ZNF492: variants seen among roughly 807,000 people sequenced by gnomAD.
ZNF492 encodes zinc finger protein 492.
A neutral mutation model predicts 6.4 loss-of-function variants in ZNF492; 3 were observed. The ratio of observed to expected loss-of-function variants is 0.47; its 90% CI spans 0.21 to 1.22. The LOEUF (loss-of-function observed/expected upper bound fraction) is 1.22, where lower values mean the gene tolerates loss of function less well. ZNF492 is among the 50% of genes most tolerant of loss of function. The pLI is 0.22. For synonymous variants in ZNF492, 112 were observed against 205.3 expected (o/e 0.55, Z 3.89); for missense variants, 356 against 612.5 (o/e 0.58, Z 4.42).
intron 3 of ZNF492, among the ~76,000 whole-genome samples, chr19:22,662,214 C>T (rs1366236377): frequency 3.9e-5 from 6 of 152,030 alleles, no homozygotes; most frequent in African/African-American, 4.8e-5. Context: ...ATAGTGTGCT[C>T]AGAATGATGG....
intron 1 of ZNF492, among the ~76,000 whole-genome samples, chr19:22,647,186 C>T (rs368368477): frequency 1.1e-4 from 16 of 151,296 alleles, no homozygotes; most frequent in South Asian, 2.1e-4. Flanking sequence ...CCACTGCGCC[C>T]GGCCTGGTGG....
intron 3 of ZNF492, among the ~76,000 whole-genome samples, chr19:22,655,399 T>C (rs1277172013): frequency 6.6e-6 from 1 of 152,160 alleles, no homozygotes; most frequent in Non-Finnish European, 1.5e-5. Flanking sequence ...TGAAAGATAT[T>C]TAAGCTCCTT....
intron 1 of ZNF492, among the ~76,000 whole-genome samples, chr19:22,638,592 A>G (rs1971791237): frequency 6.6e-6 from 1 of 152,110 alleles, no homozygotes; most frequent in Admixed American, 6.6e-5. Flanking sequence ...TTGTACCAGT[A>G]CCATGTTGCT....
In ZNF492 at chr19:22,647,263, T is replaced by G. The variant is rs181470221; in HGVS notation, c.-93-6044T>G. Among the ~76,000 whole-genome samples the G allele has an allele frequency of 6.3e-3, 937 of 149,554 alleles. 12 individuals carry two copies. Among genetic ancestry groups the G allele is most frequent in the African/African-American group, 0.018 (738 of 40,412 alleles). ...TTTTGTTTGTTTGTTTGTTGTTGTT[T>G]TTTTTTTTTTTAGGCAGAGTTTCAT... On this transcript the variant is annotated intron_variant, in intron 1 of 3. Transcript: ENST00000456783.
intron 1 of ZNF492, among the ~76,000 whole-genome samples, chr19:22,650,289 C>T (rs1049676519): frequency 6.6e-5 from 10 of 152,094 alleles, no homozygotes; most frequent in Non-Finnish European, 1.3e-4. Context: ...GGTGCCTGCT[C>T]CTTCCTCTGG....
rs1389276657 is a variant in ZNF492, at chr19:22,659,653, GGTT to G, written c.131-4146_131-4144del. ...GGTTCCCAGTGAGTAAATCTGAAGT[GGTT>G]TTTTTTTGTTGTTTTTTTTTTTTTT... On this transcript the variant is annotated intron_variant, in intron 3 of 3. Transcript: ENST00000456783. 1.3e-3 allele frequency among the ~76,000 whole-genome samples: 186 copies of G among 138,288 alleles called. 1 individual carries two copies. Among genetic ancestry groups the G allele is most frequent in the South Asian group, 8.5e-3 (37 of 4,374 alleles). The allele number at this position is 138,288 out of a possible 152,430, so 90.7% of individuals were successfully genotyped here.
At chr19:22,640,768 G>A (rs1359631400) in intron 1 of ZNF492, among the ~76,000 whole-genome samples, 1 of 152,040 alleles carries the variant, frequency 6.6e-6, no homozygotes, top group Non-Finnish European at 1.5e-5. Flanking sequence ...TTGGTTGGTA[G>A]GCTATTTATT....
At chr19:22,662,575 C>T (rs1972070089) in intron 3 of ZNF492, among the ~76,000 whole-genome samples, 1 of 152,006 alleles carries the variant, frequency 6.6e-6, no homozygotes, top group African/African-American at 2.4e-5. Context: ...TTCTATTTCT[C>T]CACATCCTCT....
At chr19:22,654,446 T>A (rs1238270302) in intron 3 of ZNF492, among the ~76,000 whole-genome samples, 1 of 152,164 alleles carries the variant, frequency 6.6e-6, no homozygotes, top group East Asian at 1.9e-4. Context: ...ATTGCTAATT[T>A]TTCTGCACAT....
At chr19:22,640,931 A>ACTAC (rs1477286292) in intron 1 of ZNF492, among the ~76,000 whole-genome samples, 1 of 149,098 alleles carries the variant, frequency 6.7e-6, no homozygotes, top group Admixed American at 6.8e-5. Flanking sequence ...AGACTTCAAT[A>ACTAC]TATTTTTGTG....
intron 1 of ZNF492, among the ~76,000 whole-genome samples, chr19:22,636,129 C>T (rs1240635735): frequency 5.4e-5 from 8 of 146,822 alleles, no homozygotes; most frequent in African/African-American, 1.8e-4. Context: ...GATGGAGTTT[C>T]GCTCTTGTTG....
At chr19:22,655,483 CAGAT>C (rs1431943063) in intron 3 of ZNF492, among the ~76,000 whole-genome samples, 7 of 151,274 alleles carry the variant, frequency 4.6e-5, no homozygotes, top group African/African-American at 1.5e-4. Flanking sequence ...TCTTTTTTGT[CAGAT>C]AGTTTGTTTA....
intron 1 of ZNF492, among the ~76,000 whole-genome samples, chr19:22,636,340 C>T (rs1023299802): frequency 3.3e-5 from 5 of 152,124 alleles, no homozygotes; most frequent in African/African-American, 1.2e-4. Flanking sequence ...CTCAGGTGAT[C>T]TGCCCGCCTC....
chr19:22,639,132 G>A (rs1028051029), intron 1 of ZNF492, among the ~76,000 whole-genome samples: 7 of 152,168 alleles, frequency 4.6e-5, no homozygotes, highest in Middle Eastern at 6.8e-3. Flanking sequence ...GAGCCACTGC[G>A]CCTGGCCAAT....
intron 1 of ZNF492, among the ~76,000 whole-genome samples, chr19:22,650,384 C>T (rs1349770163): frequency 6.6e-6 from 1 of 152,054 alleles, no homozygotes; most frequent in East Asian, 1.9e-4. Flanking sequence ...TGGAGTATCT[C>T]ACCCAGTTGG....
chr19:22,654,397 A>C (rs1971972681), intron 3 of ZNF492, among the ~76,000 whole-genome samples: 1 of 151,986 alleles, frequency 6.6e-6, no homozygotes, highest in Non-Finnish European at 1.5e-5. Context: ...TATGTCCTAA[A>C]TGTGTGAGAG....
In ZNF492 at chr19:22,665,293, A is replaced by C. The variant is rs1320913057; in HGVS notation, c.*28A>C. The C allele has an allele frequency of 1.2e-5, 18 of 1,513,190 alleles. No individual in the cohort carries two copies. The highest frequency in any genetic ancestry group is 1.4e-5 in the Non-Finnish European group (16 of 1,131,182). The allele number at this position is 1,513,190 out of a possible 1,614,324, so 93.7% of individuals were successfully genotyped here. Reference sequence around the variant, plus strand: ...GAAATATGAATGTGACAAAGCCTTTAAATGGTTATCACACTGGATTGTAGG... The same window carrying C: ...GAAATATGAATGTGACAAAGCCTTTCAATGGTTATCACACTGGATTGTAGG... On this transcript the variant is annotated 3_prime_UTR_variant, in exon 4 of 4. Coordinates refer to ENST00000456783, the MANE Select transcript of ZNF492 (RefSeq NM_020855.3).
rs898685412 is a variant in ZNF492, at chr19:22,667,200, C to G, written c.*1935C>G. ...CCGAGATCATGCCATGGCACTCCGT[C>G]CTGGGTGACAAAGTGAGACTCCCTC... On this transcript the variant is annotated 3_prime_UTR_variant, in exon 4 of 4. Coordinates refer to ENST00000456783, the MANE Select transcript of ZNF492 (RefSeq NM_020855.3). 2 of 152,144 alleles carry G rather than the reference C, an allele frequency of 1.3e-5. No homozygotes were observed. Among genetic ancestry groups the G allele is most frequent in the Non-Finnish European group, 2.9e-5 (2 of 68,032 alleles). 9.4% of individuals were successfully genotyped at this position (152,144 alleles called of 1,614,324 possible). A position where few individuals can be genotyped will look rare whatever the true frequency, so the allele number is the denominator to read the frequency against.
intron 3 of ZNF492, among the ~76,000 whole-genome samples, chr19:22,656,070 G>A (rs1218394260): frequency 2.8e-5 from 4 of 143,890 alleles, no homozygotes; most frequent in Non-Finnish European, 4.5e-5. Context: ...TGATCCACCC[G>A]CCTTGGCCTC....
Sources: allele counts gnomAD v4.1 joint callset (sites outside exome capture counted in the v4.1 genomes callset), GRCh38; gene constraint gnomAD v4.1.1; transcripts MANE v1.5; gene names NCBI Gene and HGNC (gene_info 2026-07-23, HGNC 2026-07-21).